The following DYM variants were observed in gnomAD, a reference collection of about 807,000 sequenced individuals.
DYM encodes dyggve-Melchior-Clausen syndrome protein.
In DYM, 78 loss-of-function variants were observed where a neutral mutation model predicts 93.1. The observed-to-expected ratio is 0.84, with a 90% CI of 0.70 to 1.01. The LOEUF (loss-of-function observed/expected upper bound fraction) is 1.01, where lower values mean the gene tolerates loss of function less well. Ranked by LOEUF, DYM falls within the 50% of genes least tolerant of loss-of-function variation. The probability of loss-of-function intolerance (pLI) is 0.00; values close to 1 mark genes in which losing one functional copy is unlikely to be tolerated. For missense variants in DYM, 789 were observed against 845.0 expected (o/e 0.93, Z 0.82); for synonymous variants, 321 against 319.7 (o/e 1.00, Z -0.04).
At chr18:49,304,022 G>T (rs4939857) in intron 8 of DYM, among the ~76,000 whole-genome samples, 1 of 152,222 alleles carries the variant, frequency 6.6e-6, no homozygotes. Flanking sequence ...CAGTTTGGAA[G>T]AAAGATGTTC....
intron 17 of DYM, among the ~76,000 whole-genome samples, chr18:49,081,546 AGGG>A (rs140932261): frequency 2.5e-5 from 1 of 40,246 alleles, no homozygotes; most frequent in African/African-American, 1.0e-4. Context: ...GAGAGGGGAG[AGGG>A]GAGAGGGGAG....
chr18:49,082,425 A>C (rs1435861673), intron 17 of DYM, among the ~76,000 whole-genome samples: 1 of 152,190 alleles, frequency 6.6e-6, no homozygotes, highest in East Asian at 1.9e-4. Flanking sequence ...TAGAAGCAAA[A>C]ACTTAATTCC....
At chr18:49,232,213 C>T (rs2093716612) in intron 13 of DYM, among the ~76,000 whole-genome samples, 1 of 152,144 alleles carries the variant, frequency 6.6e-6, no homozygotes, top group Non-Finnish European at 1.5e-5. Flanking sequence ...TTTCCATATT[C>T]ATATACTTTG....
At chr18:49,255,125 A>C (rs1263067854) in intron 13 of DYM, among the ~76,000 whole-genome samples, 1 of 152,258 alleles carries the variant, frequency 6.6e-6, no homozygotes, top group African/African-American at 2.4e-5. Context: ...TAAACAGACA[A>C]CTTAATTTTG....
At chr18:49,127,179 C>T (rs982466315) in intron 15 of DYM, among the ~76,000 whole-genome samples, 12 of 152,138 alleles carry the variant, frequency 7.9e-5, no homozygotes, top group African/African-American at 2.9e-4. Flanking sequence ...ATCAGACAGG[C>T]TTTCTCCTCC....
At chr18:49,341,307 G>A (rs1271837981) in intron 6 of DYM, among the ~76,000 whole-genome samples, 1 of 151,922 alleles carries the variant, frequency 6.6e-6, no homozygotes, top group African/African-American at 2.4e-5. Flanking sequence ...TGGCTAACAC[G>A]GTGAAACCCC....
intron 13 of DYM, among the ~76,000 whole-genome samples, chr18:49,221,209 C>A (rs2093340208): frequency 6.6e-6 from 1 of 152,012 alleles, no homozygotes; most frequent in Non-Finnish European, 1.5e-5. Flanking sequence ...CAATGAGATA[C>A]CATCTCACAC....
In DYM at chr18:49,042,801, C is replaced by G. The variant is rs2071030454; in HGVS notation, c.*1254G>C. ...GGTCCCAACTGGCCCTCAATGTGGC[C>G]CCAGTGGCTGTTTCCCTGCAAGAAG... is the stretch of plus-strand genomic sequence containing the variant. On this transcript the variant is annotated 3_prime_UTR_variant, in exon 18 of 18. Transcript: ENST00000675505. 6.6e-6 allele frequency: 1 copy of G among 152,250 alleles called. No homozygotes were observed. The highest frequency in any genetic ancestry group is 6.5e-5 in the Admixed American group (1 of 15,282). 9.4% of individuals were successfully genotyped at this position (152,250 alleles called of 1,614,324 possible).
chr18:49,204,354 CAAAAT>C (rs915498565), intron 14 of DYM, among the ~76,000 whole-genome samples: 7 of 152,190 alleles, frequency 4.6e-5, no homozygotes, highest in Admixed American at 3.3e-4. Context: ...AATAGTAACT[CAAAAT>C]AAACTGTGCC....
At chr18:49,145,009 A>G (rs2084927923) in intron 15 of DYM, among the ~76,000 whole-genome samples, 1 of 146,748 alleles carries the variant, frequency 6.8e-6, no homozygotes, top group South Asian at 2.1e-4. Context: ...CTGAGGCGGG[A>G]GTATTGCTTG....
chr18:49,391,283 T>A (rs569359786), intron 3 of DYM: 25 of 321,562 alleles, frequency 7.8e-5, no homozygotes, highest in African/African-American at 5.3e-4. Flanking sequence ...CTGGTGAACA[T>A]AGTCAATAAC....
chr18:49,198,387 T>C lies in DYM; in HGVS notation c.1625+11164A>G, dbSNP rs1052305462. On this transcript the variant is annotated intron_variant, in intron 14 of 17. Coordinates refer to ENST00000675505, the MANE Select transcript of DYM (RefSeq NM_001353214.3). Reference sequence around the variant, plus strand: ...AAAGCCAAAATTGACAAATGGGATCTAATTCAACTAAAGAGCTTCTGCACA... The same window carrying C: ...AAAGCCAAAATTGACAAATGGGATCCAATTCAACTAAAGAGCTTCTGCACA... Among the ~76,000 whole-genome samples the C allele has an allele frequency of 2.6e-5, 4 of 152,178 alleles. No individual in the cohort carries two copies. In the East Asian group the frequency reaches 7.7e-4, roughly 29 times the overall value.
chr18:49,099,836 G>A (rs1294810643), intron 16 of DYM, among the ~76,000 whole-genome samples: 1 of 152,140 alleles, frequency 6.6e-6, no homozygotes, highest in Non-Finnish European at 1.5e-5. Context: ...GATTAGACTG[G>A]TTCATCACTG....
chr18:49,384,161 C>T (rs1350684932), intron 3 of DYM, among the ~76,000 whole-genome samples: 1 of 151,136 alleles, frequency 6.6e-6, no homozygotes, highest in Non-Finnish European at 1.5e-5. Context: ...CATCTCTACA[C>T]AAAATACAAA....
intron 8 of DYM, among the ~76,000 whole-genome samples, chr18:49,325,341 C>T (rs2062806352): frequency 6.6e-6 from 1 of 152,166 alleles, no homozygotes; most frequent in South Asian, 2.1e-4. Context: ...GTCAAAAAAT[C>T]CCTAGTTACA....
chr18:49,307,387 T>C (rs1355182371), intron 8 of DYM, among the ~76,000 whole-genome samples: 1 of 152,114 alleles, frequency 6.6e-6, no homozygotes, highest in African/African-American at 2.4e-5. Context: ...CACATCTTCA[T>C]TCAAGTCAGC....
chr18:49,267,912 C>T (rs1223462565), intron 11 of DYM, among the ~76,000 whole-genome samples: 1 of 152,042 alleles, frequency 6.6e-6, no homozygotes, highest in Non-Finnish European at 1.5e-5. Flanking sequence ...AACAAACAAA[C>T]AAACAAACAA....
At chr18:49,403,239 C>T (rs951746061) in intron 2 of DYM, among the ~76,000 whole-genome samples, 4 of 152,128 alleles carry the variant, frequency 2.6e-5, no homozygotes, top group South Asian at 2.1e-4. Context: ...AGTGGTTATA[C>T]GTTTTGAAAT....
intron 17 of DYM, among the ~76,000 whole-genome samples, chr18:49,067,788 G>T (rs891224966): frequency 2.0e-5 from 3 of 152,062 alleles, no homozygotes; most frequent in African/African-American, 7.2e-5. Context: ...AGTCACAAAT[G>T]TGCATGAAAG....
Sources: gnomAD v4.1 joint callset for allele counts (sites outside exome capture counted in the v4.1 genomes callset) on GRCh38, gnomAD v4.1.1 for gene constraint, MANE v1.5 for transcripts, NCBI Gene and HGNC (gene_info 2026-07-23, HGNC 2026-07-21) for gene names.